Variants in PPP2R2B observed in about 807,000 individuals in gnomAD.
PPP2R2B encodes protein phosphatase 2 regulatory subunit Bbeta.
Under a neutral mutation model 46.0 loss-of-function variants are expected in PPP2R2B, and 5 were observed. That is an observed-to-expected ratio of 0.11 (90% CI 0.06 to 0.23). The LOEUF (loss-of-function observed/expected upper bound fraction) is 0.23, where lower values mean the gene tolerates loss of function less well. Ranked by LOEUF, PPP2R2B falls within the 10% of genes least tolerant of loss-of-function variation. The pLI is 1.00. For missense variants in PPP2R2B, 367 were observed against 575.0 expected, an observed-to-expected ratio of 0.64 and a Z score of 3.70; for synonymous variants, 215 against 206.7, an observed-to-expected ratio of 1.04 and a Z score of -0.34.
chr5:147,040,695 G>A (rs1414179747), intron 1 of PPP2R2B: 14 of 434,322 alleles, frequency 3.2e-5, no homozygotes, highest in South Asian at 2.2e-4. Context: ...TAGGTACTCC[G>A]TGTGAGGAAG....
intron 2 of PPP2R2B, among the ~76,000 whole-genome samples, chr5:146,744,120 C>G (rs1048847377): frequency 2.6e-5 from 4 of 152,190 alleles, no homozygotes; most frequent in African/African-American, 9.7e-5. Context: ...TACATAGATG[C>G]TTGCTCCTTC....
chr5:146,627,576 C>T (rs1309649499), intron 7 of PPP2R2B, among the ~76,000 whole-genome samples: 1 of 152,134 alleles, frequency 6.6e-6, no homozygotes, highest in Non-Finnish European at 1.5e-5. Context: ...GTGAAATTAT[C>T]CTTCTGGATT....
intron 1 of PPP2R2B, among the ~76,000 whole-genome samples, chr5:147,023,325 A>G (rs1303402376): frequency 2.6e-5 from 4 of 152,200 alleles, no homozygotes; most frequent in Non-Finnish European, 5.9e-5. Flanking sequence ...AATAATTAAT[A>G]TGAATGAAGT....
chr5:146,698,351 TACAC>T (rs57285530), intron 3 of PPP2R2B, among the ~76,000 whole-genome samples: 1 of 103,028 alleles, frequency 9.7e-6, no homozygotes, highest in African/African-American at 4.0e-5. Context: ...TATATATATA[TACAC>T]ACACATATAA....
At chr5:146,891,720 C>A (rs1471550575) in intron 1 of PPP2R2B, among the ~76,000 whole-genome samples, 3 of 152,104 alleles carry the variant, frequency 2.0e-5, no homozygotes, top group Admixed American at 1.3e-4. Flanking sequence ...CAAGTGTGAA[C>A]TAACCACAAT....
At chr5:146,678,189 C>A (rs1210316005) in intron 5 of PPP2R2B, among the ~76,000 whole-genome samples, 1 of 152,086 alleles carries the variant, frequency 6.6e-6, no homozygotes, top group Non-Finnish European at 1.5e-5. Flanking sequence ...AAAAGCTTAT[C>A]CACCATGATC....
chr5:146,743,164 T>C (rs147085175), intron 2 of PPP2R2B, among the ~76,000 whole-genome samples: 2 of 152,312 alleles, frequency 1.3e-5, no homozygotes, highest in Admixed American at 1.3e-4. Flanking sequence ...GCTTATATCA[T>C]TTTACTCTCT....
At chr5:146,949,222 A>G (rs1286471009) in intron 1 of PPP2R2B, among the ~76,000 whole-genome samples, 1 of 152,044 alleles carries the variant, frequency 6.6e-6, no homozygotes, top group East Asian at 1.9e-4. Flanking sequence ...AACCAACATA[A>G]TGGGAGAAAA....
rs1770040695 is a variant in PPP2R2B, at chr5:146,584,462, G to A, written c.*5485C>T. ...TATCCACGCTAGGGAAAATAATCAA[G>A]CCAAGGTAACTCTGCATTACCAATA... On this transcript the variant is annotated 3_prime_UTR_variant, in exon 10 of 10. Transcript: ENST00000394411. 6.6e-6 allele frequency: 1 copy of A among 152,160 alleles called. No homozygotes were observed. Among genetic ancestry groups the A allele is most frequent in the Non-Finnish European group, 1.5e-5 (1 of 68,024 alleles). 9.4% of individuals were successfully genotyped at this position (152,160 alleles called of 1,614,324 possible).
chr5:146,730,061 G>T (rs760693688), intron 2 of PPP2R2B, among the ~76,000 whole-genome samples: 6 of 152,236 alleles, frequency 3.9e-5, no homozygotes, highest in Non-Finnish European at 7.3e-5. Context: ...AAAGCAGCCA[G>T]GAGGGAGGCT....
At chr5:147,034,890 A>G (rs1755961402) in intron 1 of PPP2R2B, among the ~76,000 whole-genome samples, 2 of 152,092 alleles carry the variant, frequency 1.3e-5, no homozygotes, top group South Asian at 4.1e-4. Context: ...GATAAGATAG[A>G]CTTTGGATAA....
At chr5:146,956,813 T>C (rs1751934733) in intron 1 of PPP2R2B, among the ~76,000 whole-genome samples, 1 of 152,154 alleles carries the variant, frequency 6.6e-6, no homozygotes, top group African/African-American at 2.4e-5. Flanking sequence ...CTCTTCCTGG[T>C]TTGCAGATGG....
exon 1 of PPP2R2B, chr5:147,081,348 G>C: frequency 6.6e-7 from 1 of 1,505,406 alleles, no homozygotes; most frequent in Non-Finnish European, 8.9e-7. Flanking sequence ...TCACTGCTCT[G>C]TCTCCTCCGT....
At chr5:146,942,073 A>G (rs1044597236) in intron 1 of PPP2R2B, among the ~76,000 whole-genome samples, 4 of 152,236 alleles carry the variant, frequency 2.6e-5, no homozygotes, top group Non-Finnish European at 2.9e-5. Context: ...CAACAGTTAT[A>G]TTGGATCAGG....
chr5:147,012,732 C>T (rs1332121704), intron 1 of PPP2R2B, among the ~76,000 whole-genome samples: 5 of 151,494 alleles, frequency 3.3e-5, no homozygotes, highest in Non-Finnish European at 7.4e-5. Context: ...TATAAATTTC[C>T]CTCTACACAC....
chr5:146,662,626 C>T (rs776126471), intron 5 of PPP2R2B, among the ~76,000 whole-genome samples: 4 of 152,086 alleles, frequency 2.6e-5, no homozygotes, highest in Admixed American at 1.3e-4. Flanking sequence ...TTATAAATTA[C>T]CCAGTCTGTG....
chr5:146,773,762 C>T (rs1427577702), intron 2 of PPP2R2B, among the ~76,000 whole-genome samples: 15 of 152,122 alleles, frequency 9.9e-5, no homozygotes, highest in Admixed American at 9.8e-4. Flanking sequence ...AATAGTCTCC[C>T]AATTTATCCA....
chr5:147,004,154 CA>C (rs1754318991), intron 1 of PPP2R2B, among the ~76,000 whole-genome samples: 1 of 152,184 alleles, frequency 6.6e-6, no homozygotes, highest in East Asian at 1.9e-4. Flanking sequence ...GCAGGCCAAT[CA>C]CCCAGTGGGG....
chr5:146,729,570 A>T (rs1232821953), intron 2 of PPP2R2B, among the ~76,000 whole-genome samples: 1 of 152,168 alleles, frequency 6.6e-6, no homozygotes, highest in Non-Finnish European at 1.5e-5. Flanking sequence ...CCAGGGGGAA[A>T]AAGTGGTTTC....
Sources: gnomAD v4.1 joint callset for allele counts (sites outside exome capture counted in the v4.1 genomes callset) on GRCh38, gnomAD v4.1.1 for gene constraint, MANE v1.5 for transcripts, NCBI Gene and HGNC (gene_info 2026-07-23, HGNC 2026-07-21) for gene names.